The following ALG9 variants were observed in gnomAD, a reference collection of about 807,000 sequenced individuals.
ALG9 encodes ALG9 alpha-1,2-mannosyltransferase, also known as alpha-1,2-mannosyltransferase ALG9.
ALG9 carries 55 observed loss-of-function variants against 81.8 expected under a neutral mutation model. The ratio of observed to expected loss-of-function variants is 0.67; its 90% CI spans 0.54 to 0.84. The LOEUF (loss-of-function observed/expected upper bound fraction) is 0.84, where lower values mean the gene tolerates loss of function less well. ALG9 is among the 40% of genes least tolerant of loss of function. ALG9 has a pLI of 0.00. For synonymous variants in ALG9, 278 were observed against 274.3 expected, an observed-to-expected ratio of 1.01 and a Z score of -0.13; for missense variants, 629 against 745.0, an observed-to-expected ratio of 0.84 and a Z score of 1.81.
intron 13 of ALG9, among the ~76,000 whole-genome samples, chr11:111,834,426 T>C (rs1954888957): frequency 6.6e-6 from 1 of 152,200 alleles, no homozygotes; most frequent in African/African-American, 2.4e-5. Flanking sequence ...ATCTGTCTAA[T>C]ATACCATTAT....
At chr11:111,869,956 C>T (rs1207420233) in intron 2 of ALG9, among the ~76,000 whole-genome samples, 2 of 152,088 alleles carry the variant, frequency 1.3e-5, no homozygotes, top group East Asian at 1.9e-4. Flanking sequence ...GGACTACAGG[C>T]GCCCACCACC....
intron 3 of ALG9, among the ~76,000 whole-genome samples, chr11:111,865,941 C>T (rs1355317065): frequency 1.3e-5 from 2 of 152,132 alleles, no homozygotes; most frequent in African/African-American, 2.4e-5. Context: ...TAGCTTTATA[C>T]TACAGAATAC....
intron 5 of ALG9, among the ~76,000 whole-genome samples, chr11:111,858,961 C>G (rs1959144556): frequency 6.6e-6 from 1 of 152,144 alleles, no homozygotes; most frequent in Non-Finnish European, 1.5e-5. Context: ...TCTCAGTACT[C>G]TGGGAGGCCA....
At chr11:111,787,519 C>T (rs1055345681) in intron 14 of ALG9, among the ~76,000 whole-genome samples, 12 of 151,938 alleles carry the variant, frequency 7.9e-5, no homozygotes, top group African/African-American at 2.4e-4. Context: ...TGCCGTGGTG[C>T]GATCTCAGCT....
chr11:111,860,833 C>G (rs559086693), intron 4 of ALG9, among the ~76,000 whole-genome samples, 198 bp from the exon 5 acceptor site: 1 of 152,268 alleles, frequency 6.6e-6, no homozygotes, highest in South Asian at 2.1e-4. Context: ...AAGCTCCCTA[C>G]CTAAAAGAAA....
chr11:111,781,913 T>C (rs1945966614), downstream of ALG9, among the ~76,000 whole-genome samples: 1 of 152,246 alleles, frequency 6.6e-6, no homozygotes, highest in African/African-American at 2.4e-5. Flanking sequence ...CCCACAGTGC[T>C]GTGATAACAG....
At chr11:111,844,834 T>C (rs1956727777) in intron 8 of ALG9, 111 bp from the exon 9 acceptor site, 2 of 1,257,636 alleles carry the variant, frequency 1.6e-6, no homozygotes, top group South Asian at 2.4e-5. Context: ...CTATGCCTCA[T>C]GGGAATGAGA....
At chr11:111,797,703 A>T (rs1356649561) in intron 14 of ALG9, among the ~76,000 whole-genome samples, 1 of 152,200 alleles carries the variant, frequency 6.6e-6, no homozygotes, top group African/African-American at 2.4e-5. Flanking sequence ...CCCTTCAACC[A>T]GATTACTCTC....
At chr11:111,831,071 C>T (rs1429305161) in intron 13 of ALG9, among the ~76,000 whole-genome samples, 2 of 151,934 alleles carry the variant, frequency 1.3e-5, no homozygotes, top group Non-Finnish European at 2.9e-5. Context: ...AACAGAGTCT[C>T]GCTCCGTCAC....
Position 111,785,771 on chromosome 11 carries a change from A to G in ALG9, c.*626T>C, listed in dbSNP as rs1452949996. ...CATCATTATAATAAAATTAGGTCAC[A>G]GTTCCTCAAATGGTCACCTTTTTCC... is the stretch of plus-strand genomic sequence containing the variant. On this transcript the variant is annotated 3_prime_UTR_variant, in exon 15 of 15. Transcript: ENST00000616540. 2.6e-5 allele frequency: 6 copies of G among 233,618 alleles called. No homozygotes were observed. The highest frequency in any genetic ancestry group is 1.4e-4 in the African/African-American group (6 of 43,794). The allele number at this position is 233,618 out of a possible 1,614,324, so 14.5% of individuals were successfully genotyped here. A position where few individuals can be genotyped will look rare whatever the true frequency, so the allele number is the denominator to read the frequency against.
chr11:111,864,427 C>T (rs1555150780), intron 4 of ALG9: 1 of 763,102 alleles, frequency 1.3e-6, no homozygotes, highest in Non-Finnish European at 2.5e-6. Context: ...GTACAAATCC[C>T]TTCAGACCCC....
intron 9 of ALG9, 133 bp from the exon 10 acceptor site, chr11:111,840,942 T>A: frequency 9.5e-7 from 1 of 1,052,738 alleles, no homozygotes; most frequent in Non-Finnish European, 1.4e-6. Flanking sequence ...ACTCTTGTAT[T>A]CACACTTTCT....
At chr11:111,798,607 T>C (rs1948648191) in intron 14 of ALG9, among the ~76,000 whole-genome samples, 1 of 152,248 alleles carries the variant, frequency 6.6e-6, no homozygotes. Context: ...AAAAAATCTT[T>C]TATTTTAGAA....
At chr11:111,864,296 C>T in intron 4 of ALG9, 1 of 1,107,310 alleles carries the variant, frequency 9.0e-7, no homozygotes, top group East Asian at 2.4e-5. Flanking sequence ...GAAAGTGGTT[C>T]AACAGCCCCG....
chr11:111,847,442 A>G (rs1555131487), intron 8 of ALG9, among the ~76,000 whole-genome samples: 3 of 152,220 alleles, frequency 2.0e-5, no homozygotes, highest in Non-Finnish European at 4.4e-5. Flanking sequence ...GAGCAGATTC[A>G]CTGTTCTTTC....
intron 14 of ALG9, among the ~76,000 whole-genome samples, chr11:111,808,323 G>A (rs1244445939): frequency 6.6e-6 from 1 of 152,132 alleles, no homozygotes; most frequent in Non-Finnish European, 1.5e-5. Flanking sequence ...GAGAGACTCA[G>A]TCTAAAAGCA....
intron 8 of ALG9, 57 bp from the exon 9 acceptor site, chr11:111,844,780 G>C (rs1356781522): frequency 6.3e-7 from 1 of 1,574,958 alleles, no homozygotes; most frequent in African/African-American, 1.4e-5. Context: ...ACCTATTACG[G>C]TGCTTGACAT....
intron 14 of ALG9, among the ~76,000 whole-genome samples, chr11:111,800,361 G>A (rs1275867520): frequency 6.6e-6 from 1 of 151,822 alleles, no homozygotes; most frequent in Non-Finnish European, 1.5e-5. Flanking sequence ...CGCGCCTGTA[G>A]TCCCAGCTAC....
intron 9 of ALG9, among the ~76,000 whole-genome samples, chr11:111,843,259 G>A (rs992898819): frequency 5.3e-5 from 8 of 152,102 alleles, no homozygotes; most frequent in East Asian, 3.9e-4. Context: ...AGAAATCTTC[G>A]AAAGAAAAAA....
Sources: allele counts gnomAD v4.1 joint callset (sites outside exome capture counted in the v4.1 genomes callset), GRCh38; gene constraint gnomAD v4.1.1; transcripts MANE v1.5; gene names NCBI Gene and HGNC (gene_info 2026-07-23, HGNC 2026-07-21).